Variants in ITGB3 observed in about 807,000 individuals in gnomAD.
ITGB3 encodes the protein integrin subunit beta 3, also known as integrin beta-3.
A neutral mutation model predicts 85.8 loss-of-function variants in ITGB3; 48 were observed. The observed-to-expected ratio is 0.56, with a 90% CI of 0.44 to 0.71. ITGB3 has a LOEUF of 0.71. ITGB3 is among the 30% of genes least tolerant of loss of function. ITGB3 has a pLI of 0.00. For synonymous variants in ITGB3, 363 were observed against 395.6 expected, an observed-to-expected ratio of 0.92 and a Z score of 0.98; for missense variants, 861 against 1,019.1, an observed-to-expected ratio of 0.84 and a Z score of 2.11.
At position 47,300,572 on chromosome 17, in the gene ITGB3, G is replaced by A; in HGVS notation, c.2008G>A (p.Glu670Lys). Residue 670 changes from glutamate to lysine, a missense_variant, in exon 12 of 15, where the codon GAG becomes AAG. By Grantham distance (56) the Glu-to-Lys change is moderately conservative. Coordinates refer to ENST00000559488, the MANE Select transcript of ITGB3 (RefSeq NM_000212.3). ...CCGTGACGAGATTGAGTCAGTGAAA[G>A]AGCTTAGTAAGTTCAGCACATCTTA... ...YCRDEIESVK[E>K]LKDTGKDAVN... 6.2e-7 allele frequency: 1 copy of A among 1,613,254 alleles called. No homozygotes were observed. The highest frequency in any genetic ancestry group is 8.5e-7 in the Non-Finnish European group (1 of 1,179,298).
At chr17:47,291,211 T>G in intron 9 of ITGB3, 123 bp downstream of exon 9, 2 of 1,128,970 alleles carry the variant, frequency 1.8e-6, no homozygotes, top group Non-Finnish European at 2.6e-6. Flanking sequence ...GCAAGAAAAA[T>G]ACGTTTCCTG....
Position 47,310,376 on chromosome 17 carries a change from G to T in ITGB3, c.*172G>T. 1 of 701,118 alleles carries T rather than the reference G, an allele frequency of 1.4e-6. No individual in the cohort carries two copies. The highest frequency in any genetic ancestry group is 2.6e-6 in the Non-Finnish European group (1 of 386,026). 43.4% of individuals were successfully genotyped at this position (701,118 alleles called of 1,614,324 possible). A position where few individuals can be genotyped will look rare whatever the true frequency, so the allele number is the denominator to read the frequency against. On this transcript the variant is annotated 3_prime_UTR_variant, in exon 15 of 15. Transcript: ENST00000559488. ...TGGGTCTGTGTGTGTGTATGTGGGG[G>T]TCTGTGTGTTTATGTGTGTGTGTTG...
chr17:47,309,018 C>T (rs1182288797), intron 14 of ITGB3, among the ~76,000 whole-genome samples: 1 of 142,446 alleles, frequency 7.0e-6, no homozygotes, highest in Non-Finnish European at 1.5e-5. Flanking sequence ...CCCTTCCTCC[C>T]CTCCTCTCCT....
chr17:47,291,140 C>T (rs375746929), intron 9 of ITGB3, 52 bp downstream of exon 9: 387 of 1,611,190 alleles, frequency 2.4e-4, no homozygotes, highest in Non-Finnish European at 3.0e-4. Flanking sequence ...GGGCACCCAA[C>T]CCCCTTTCTT....
chr17:47,274,286 G>A (rs2065055199), intron 1 of ITGB3, 133 bp from the exon 2 acceptor site: 5 of 770,762 alleles, frequency 6.5e-6, no homozygotes. Context: ...AGACGTCTGT[G>A]GTATGGTTAG....
intron 1 of ITGB3, among the ~76,000 whole-genome samples, chr17:47,265,925 G>C (rs1425729217): frequency 6.6e-6 from 1 of 152,202 alleles, no homozygotes; most frequent in Non-Finnish European, 1.5e-5. Context: ...TCAGAGCACA[G>C]AGGTATGTGT....
intron 6 of ITGB3, among the ~76,000 whole-genome samples, chr17:47,287,670 A>G (rs2065108174): frequency 6.6e-6 from 1 of 152,160 alleles, no homozygotes; most frequent in Non-Finnish European, 1.5e-5. Flanking sequence ...GCACTTTGGG[A>G]GGCTGAGGTG....
chr17:47,292,642 G>A, intron 10 of ITGB3, 74 bp downstream of exon 10: 1 of 1,513,998 alleles, frequency 6.6e-7, no homozygotes, highest in Admixed American at 1.7e-5. Context: ...GGAAACATAG[G>A]TGAAGGCCTG....
intron 1 of ITGB3, among the ~76,000 whole-genome samples, chr17:47,266,261 A>G (rs1598680318): frequency 6.6e-6 from 1 of 152,270 alleles, no homozygotes; most frequent in Non-Finnish European, 1.5e-5. Flanking sequence ...TGTTAGTGGA[A>G]CATCCTCCCT....
chr17:47,272,691 C>T (rs59479249), intron 1 of ITGB3, among the ~76,000 whole-genome samples: 1,193 of 110,302 alleles, frequency 0.011, 10 homozygotes, highest in African/African-American at 0.038. Flanking sequence ...TTTTTTCTTT[C>T]TTTCTTTCCT....
chr17:47,275,729 C>A (rs989045399), intron 2 of ITGB3, among the ~76,000 whole-genome samples: 39 of 152,240 alleles, frequency 2.6e-4, no homozygotes, highest in Admixed American at 1.3e-4. Context: ...AGGCCAGCTC[C>A]GCACGTTGCT....
At chr17:47,263,889 C>T (rs1013179488) in intron 1 of ITGB3, among the ~76,000 whole-genome samples, 15 of 152,146 alleles carry the variant, frequency 9.9e-5, no homozygotes, top group African/African-American at 3.6e-4. Context: ...CTTGCTCAGA[C>T]AAAAATCCTT....
At chr17:47,306,452 C>T (rs2065188309) in intron 13 of ITGB3, among the ~76,000 whole-genome samples, 1 of 152,076 alleles carries the variant, frequency 6.6e-6, no homozygotes, top group African/African-American at 2.4e-5. Flanking sequence ...TTAAAAAAGA[C>T]AATTTTGTAG....
intron 10 of ITGB3, among the ~76,000 whole-genome samples, chr17:47,297,740 G>A (rs1280666769): frequency 6.6e-6 from 1 of 151,936 alleles, no homozygotes; most frequent in Non-Finnish European, 1.5e-5. Context: ...TAATTAGCCA[G>A]CTGCAGTGGC....
intron 10 of ITGB3, among the ~76,000 whole-genome samples, chr17:47,297,545 A>C (rs969135773): frequency 1.3e-5 from 2 of 152,098 alleles, no homozygotes; most frequent in African/African-American, 4.8e-5. Context: ...AGTCCTGGCT[A>C]CTTGGGAGGC....
chr17:47,280,204 A>G (rs115229608), intron 2 of ITGB3, among the ~76,000 whole-genome samples: 1,539 of 152,234 alleles, frequency 0.01, 23 homozygotes, highest in African/African-American at 0.036. Context: ...AACTCTACTT[A>G]CTTCTTGCCT....
chr17:47,292,485 G>A lies in ITGB3; in HGVS notation c.1607G>A (p.Ser536Asn). 1.9e-6 allele frequency: 3 copies of A among 1,610,442 alleles called. No homozygotes were observed. Among genetic ancestry groups the A allele is most frequent in the Non-Finnish European group, 2.5e-6 (3 of 1,179,022 alleles). ...CTCTGTGGTCAATGTGTCTGCCACA[G>A]CAGTGACTTTGGCAAGATCACGGGC... ...ECLCGQCVCH[S>N]SDFGKITGKY... The change falls in exon 10 of 15, where the codon AGC (serine) becomes AAC (asparagine). Residue 536 changes from serine (S) to asparagine (N), a missense_variant. Transcript: ENST00000559488.
intron 1 of ITGB3, among the ~76,000 whole-genome samples, chr17:47,271,335 G>A (rs150644633): frequency 2.4e-4 from 36 of 152,280 alleles, no homozygotes; most frequent in African/African-American, 8.2e-4. Flanking sequence ...TTTTAACAGA[G>A]TTAAAAGTAT....
intron 1 of ITGB3, among the ~76,000 whole-genome samples, chr17:47,270,493 A>T (rs572900648): frequency 1.3e-5 from 2 of 152,170 alleles, no homozygotes; most frequent in Non-Finnish European, 2.9e-5. Context: ...ATGCAGGGAG[A>T]AGTCTTGGGT....
Sources: allele counts gnomAD v4.1 joint callset (sites outside exome capture counted in the v4.1 genomes callset), GRCh38; gene constraint gnomAD v4.1.1; transcripts MANE v1.5; gene names NCBI Gene and HGNC (gene_info 2026-07-23, HGNC 2026-07-21).